The following PEX26 variants were observed in gnomAD, a reference collection of about 807,000 sequenced individuals.
The protein encoded by PEX26 is peroxisome assembly protein 26.
In PEX26, 18 loss-of-function variants were observed where a neutral mutation model predicts 31.4. That is an observed-to-expected ratio of 0.57 (90% confidence interval 0.40 to 0.85). PEX26 has a LOEUF of 0.85. Among genes scored for constraint, PEX26 ranks in the 40% least tolerant of loss-of-function variants. The pLI is 0.00. For synonymous variants in PEX26, 176 were observed against 166.9 expected (o/e 1.05, Z -0.42); for missense variants, 377 against 383.9 (o/e 0.98, Z 0.15).
chr22:18,083,688 A>G lies in PEX26; in HGVS notation c.623A>G (p.Gln208Arg), dbSNP rs1275936400. 6.2e-7 allele frequency: 1 copy of G among 1,614,150 alleles called. No homozygotes were observed. The highest frequency in any genetic ancestry group is 8.5e-7 in the Non-Finnish European group (1 of 1,180,042). The change falls in exon 3 of 5, where the codon CAG (glutamine) becomes CGG (arginine). Residue 208 changes from glutamine (Q) to arginine (R), a missense_variant. Gln to Arg is a conservative substitution (Grantham distance 43). Transcript: ENST00000399744. ...CACACAGCGAGGCAGCAGCAGAAAC[A>G]GGAACACTCAGGCTCTGAGGAGGCC... ...AIHTARQQQK[Q>R]EHSGSEEAQK...
Position 18,083,749 on chromosome 22 carries a change from C to G in PEX26, c.667+17C>G, listed in dbSNP as rs766820643. ...ACCTGGAAGGTAGGACATTATCCCT[C>G]TGCGACCTCTGTAAAGTGGACTTGC... is the stretch of plus-strand genomic sequence containing the variant. On this transcript the variant is annotated intron_variant, in intron 3 of 4. Transcript: ENST00000399744. The G allele has an allele frequency of 1.2e-6, 2 of 1,612,354 alleles. No homozygotes were observed. Among genetic ancestry groups the G allele is most frequent in the Non-Finnish European group, 1.7e-6 (2 of 1,179,362 alleles).
intron 4 of PEX26, among the ~76,000 whole-genome samples, chr22:18,086,101 C>T (rs1360597218): frequency 6.6e-6 from 1 of 152,054 alleles, no homozygotes; most frequent in Non-Finnish European, 1.5e-5. Context: ...AGTTCGAGAA[C>T]AGCCTGGCCA....
At position 18,078,610 on chromosome 22, in the gene PEX26, C is replaced by T; in HGVS notation, c.230+4C>T. ...TGGCAGAGGAACCCGCGGGCACGTA[C>T]GTGCTGGGCTCGGAAATGAACCGAT... is the stretch of plus-strand genomic sequence containing the variant. On this transcript the variant is annotated splice_donor_region_variant and intron_variant, in intron 1 of 4. Coordinates refer to ENST00000399744, the MANE Select transcript of PEX26 (RefSeq NM_001127649.3). The T allele has an allele frequency of 1.3e-6, 2 of 1,597,292 alleles. No individual in the cohort carries two copies. The highest frequency in any genetic ancestry group is 1.7e-6 in the Non-Finnish European group (2 of 1,174,696).
rs1237219724 is a variant in PEX26, at chr22:18,093,814, A to G, written c.*5739A>G. On this transcript the variant is annotated 3_prime_UTR_variant, in exon 5 of 5. Transcript: ENST00000399744. The stretch of plus-strand genomic sequence containing the variant: ...GCAGCCCATGCACTTGAGAACCTGT[A>G]GAAAATGGCAGTGTGCAACCAGCAT... 4 of 152,248 alleles carry G rather than the reference A, an allele frequency of 2.6e-5. No homozygotes were observed. Among genetic ancestry groups the G allele is most frequent in the Non-Finnish European group, 5.9e-5 (4 of 68,046 alleles). The allele number at this position is 152,248 out of a possible 1,614,324, so 9.4% of individuals were successfully genotyped here.
At chr22:18,086,488 T>A (rs466130) in intron 4 of PEX26, among the ~76,000 whole-genome samples, 79,401 of 151,998 alleles carry the variant, frequency 0.52, 22,241 homozygotes, top group Non-Finnish European at 0.64. Flanking sequence ...CCCTAAGTAA[T>A]TTAACAACCC....
rs1281914430 is a variant in PEX26 at position 18,095,022 on chromosome 22, C to T, written c.*6947C>T. 1.3e-5 allele frequency: 2 copies of T among 152,072 alleles called. No homozygotes were observed. The highest frequency in any genetic ancestry group is 6.6e-5 in the Admixed American group (1 of 15,250). 9.4% of individuals were successfully genotyped at this position (152,072 alleles called of 1,614,324 possible). On this transcript the variant is annotated 3_prime_UTR_variant, in exon 5 of 5. Coordinates refer to ENST00000399744, the MANE Select transcript of PEX26 (RefSeq NM_001127649.3). Reference sequence around the variant, plus strand: ...TACCAGGATTTCTGTTCTTATCTCCCCCATAGCACCTGGAATGAGGCCATC... The same window carrying T: ...TACCAGGATTTCTGTTCTTATCTCCTCCATAGCACCTGGAATGAGGCCATC...
rs1349249701 is a variant in PEX26 at position 18,091,343 on chromosome 22, C to A, written c.*3268C>A. 1.3e-5 allele frequency: 2 copies of A among 152,220 alleles called. No individual in the cohort carries two copies. Among genetic ancestry groups the A allele is most frequent in the East Asian group, 1.9e-4 (1 of 5,200 alleles). 9.4% of individuals were successfully genotyped at this position (152,220 alleles called of 1,614,324 possible). On this transcript the variant is annotated 3_prime_UTR_variant, in exon 5 of 5. Coordinates refer to ENST00000399744, the MANE Select transcript of PEX26 (RefSeq NM_001127649.3). ...GTGCCACGTTTAAAAAGAAAAAAAA[C>A]AATTCTCGGCTGGGCGCGGTGGCGC... is the stretch of plus-strand genomic sequence containing the variant.
At chr22:18,085,294 A>G (rs1174993753) in intron 4 of PEX26, 36 bp downstream of exon 4, 1 of 1,610,560 alleles carries the variant, frequency 6.2e-7, no homozygotes. Context: ...CCTTCCTGGG[A>G]AGGGGTTGTT....
Position 18,078,113 on chromosome 22 carries a change from A to G in PEX26, c.-264A>G, listed in dbSNP as rs1427987780. On this transcript the variant is annotated 5_prime_UTR_variant, in exon 1 of 5. Coordinates refer to ENST00000399744, the MANE Select transcript of PEX26 (RefSeq NM_001127649.3). ...GTTCCTGCACGTGTCGCGGGGCCGGAGAAGCTAGGGCCAGGTATTCCAGGG... is the reference window on the plus strand; with the variant it reads ...GTTCCTGCACGTGTCGCGGGGCCGGGGAAGCTAGGGCCAGGTATTCCAGGG... The G allele has an allele frequency of 1.6e-6, 1 of 637,698 alleles. No individual in the cohort carries two copies. The highest frequency in any genetic ancestry group is 2.9e-6 in the Non-Finnish European group (1 of 343,894). The allele number at this position is 637,698 out of a possible 1,614,324, so 39.5% of individuals were successfully genotyped here.
chr22:18,086,068 AG>A (rs1427113147), intron 4 of PEX26, among the ~76,000 whole-genome samples: 1 of 152,018 alleles, frequency 6.6e-6, no homozygotes, highest in South Asian at 2.1e-4. Flanking sequence ...GAGGCCAAGG[AG>A]GGTGGATCAC....
chr22:18,079,168 C>A (rs1926444622), intron 1 of PEX26: 2 of 977,508 alleles, frequency 2.0e-6, no homozygotes, highest in Non-Finnish European at 2.4e-6. Context: ...GCCCTCTTCT[C>A]TACCAAAAAG....
rs1291801944 is a variant in PEX26, at chr22:18,090,710, C to G, written c.*2635C>G. 6.7e-6 allele frequency: 1 copy of G among 149,736 alleles called. No homozygotes were observed. Among genetic ancestry groups the G allele is most frequent in the Non-Finnish European group, 1.5e-5 (1 of 67,426 alleles). 9.3% of individuals were successfully genotyped at this position (149,736 alleles called of 1,614,324 possible). On this transcript the variant is annotated 3_prime_UTR_variant, in exon 5 of 5. Transcript: ENST00000399744. ...TGAAGCATGCAACATAGAACAGATA[C>G]CTTTAAATTTAGGGGCGCTAAGGAA...
At position 18,089,998 on chromosome 22, in the gene PEX26, G is replaced by C. The variant is rs1927023859; in HGVS notation, c.*1923G>C. On this transcript the variant is annotated 3_prime_UTR_variant, in exon 5 of 5. Coordinates refer to ENST00000399744, the MANE Select transcript of PEX26 (RefSeq NM_001127649.3). ...ATTACAGGTGTGAGCCATCGCGCCC[G>C]GCCAACTTTTCTTTAGAAAAATGAG... 6.6e-6 allele frequency: 1 copy of C among 152,120 alleles called. No homozygotes were observed. Among genetic ancestry groups the C allele is most frequent in the African/African-American group, 2.4e-5 (1 of 41,420 alleles). 9.4% of individuals were successfully genotyped at this position (152,120 alleles called of 1,614,324 possible). A position where few individuals can be genotyped will look rare whatever the true frequency, so the allele number is the denominator to read the frequency against.
rs1397214172 is a variant in PEX26, at chr22:18,100,322, T to A, written c.*12247T>A. The A allele has an allele frequency of 6.6e-6, 1 of 151,970 alleles. No homozygotes were observed. Among genetic ancestry groups the A allele is most frequent in the African/African-American group, 2.4e-5 (1 of 41,366 alleles). 9.4% of individuals were successfully genotyped at this position (151,970 alleles called of 1,614,324 possible). On this transcript the variant is annotated 3_prime_UTR_variant, in exon 5 of 5. Coordinates refer to ENST00000399744, the MANE Select transcript of PEX26 (RefSeq NM_001127649.3). ...ACTCCTGATCTTGGGTGATCTGCCC[T>A]CCTCAGCCTCCCAAAGTGCTGGGAT...
intron 4 of PEX26, among the ~76,000 whole-genome samples, chr22:18,086,306 GA>G (rs200209737): frequency 6.7e-6 from 1 of 149,976 alleles, no homozygotes; most frequent in Non-Finnish European, 1.5e-5. Context: ...TCTCAAAAAA[GA>G]AAAAAAAATG....
Position 18,083,492 on chromosome 22 carries a change from G to A in PEX26, c.427G>A (p.Ala143Thr), listed in dbSNP as rs768857476. ...EPGAVLDVVG[A>T]WLQDPANQNL... ...TGGAGCTGTGCTGGATGTGGTGGGTGCCTGGCTCCAAGACCCAGCCAATCA... is the reference window on the plus strand; with the variant it reads ...TGGAGCTGTGCTGGATGTGGTGGGTACCTGGCTCCAAGACCCAGCCAATCA... Residue 143 changes from alanine (A) to threonine (T), a missense_variant, in exon 3 of 5, where the codon GCC becomes ACC. Physicochemically the swap from Ala to Thr is moderately conservative, Grantham distance 58. Coordinates refer to ENST00000399744, the MANE Select transcript of PEX26 (RefSeq NM_001127649.3). The A allele has an allele frequency of 5.6e-6, 9 of 1,614,138 alleles. No individual in the cohort carries two copies. The East Asian group carries it at 6.7e-5, about 12-fold the overall frequency.
chr22:18,085,362 C>G (rs1421809451), intron 4 of PEX26, 104 bp downstream of exon 4: 1 of 1,191,154 alleles, frequency 8.4e-7, no homozygotes, highest in East Asian at 2.3e-5. Context: ...GGAGGGGAGT[C>G]TCTCCTATGA....
rs553863940 is a variant in PEX26, at chr22:18,093,166, C to A, written c.*5091C>A. On this transcript the variant is annotated 3_prime_UTR_variant, in exon 5 of 5. Transcript: ENST00000399744. ...TGGGATATGTAAAAATTAAGTATCACAAAAGACCATCACACGATTCTACCA... is the reference window on the plus strand; with the variant it reads ...TGGGATATGTAAAAATTAAGTATCAAAAAAGACCATCACACGATTCTACCA... The A allele has an allele frequency of 6.6e-6, 1 of 152,228 alleles. No individual in the cohort carries two copies. The highest frequency in any genetic ancestry group is 2.1e-4 in the South Asian group (1 of 4,828). 9.4% of individuals were successfully genotyped at this position (152,228 alleles called of 1,614,324 possible). A position where few individuals can be genotyped will look rare whatever the true frequency, so the allele number is the denominator to read the frequency against.
chr22:18,085,981 GA>G (rs529441853), intron 4 of PEX26, among the ~76,000 whole-genome samples: 2 of 152,088 alleles, frequency 1.3e-5, no homozygotes, highest in Non-Finnish European at 2.9e-5. Flanking sequence ...AGTTGTAAAT[GA>G]AAAACTCATA....
Sources: allele counts gnomAD v4.1 joint callset (sites outside exome capture counted in the v4.1 genomes callset), GRCh38; gene constraint gnomAD v4.1.1; transcripts MANE v1.5; gene names NCBI Gene and HGNC (gene_info 2026-07-23, HGNC 2026-07-21).